NUTM2G: variants seen among roughly 807,000 people sequenced by gnomAD.
The protein encoded by NUTM2G is family with sequence similarity 22, member G.
NUTM2G carries 29 observed loss-of-function variants against 44.3 expected under a neutral mutation model. That is an observed-to-expected ratio of 0.66 (90% CI 0.49 to 0.89). The LOEUF (loss-of-function observed/expected upper bound fraction) is 0.89. NUTM2G is among the 40% of genes least tolerant of loss of function. NUTM2G has a pLI of 0.00. For missense variants in NUTM2G, 502 were observed against 946.5 expected (o/e 0.53, Z 6.16); for synonymous variants, 205 against 395.9 (o/e 0.52, Z 5.72).
At chr9:96,932,921 T>C (rs1248056811) in intron 2 of NUTM2G, among the ~76,000 whole-genome samples, 1 of 151,772 alleles carries the variant, frequency 6.6e-6, no homozygotes, top group African/African-American at 2.4e-5. Context: ...AGTGCTGAGA[T>C]TACAGGCATG....
chr9:96,931,728 C>T lies in NUTM2G; in HGVS notation c.23C>T (p.Pro8Leu), dbSNP rs1415145081. 6.2e-7 allele frequency: 1 copy of T among 1,611,550 alleles called. No individual in the cohort carries two copies. Among genetic ancestry groups the T allele is most frequent in the South Asian group, 1.1e-5 (1 of 90,956 alleles). MASNGAYPVLGPGVTVNP... is the reference protein window; with the variant it reads MASNGAYLVLGPGVTVNP... ...CTTTCCTTTGTCTCCACAGCATACC[C>T]AGTGCTGGGACCCGGCGTGACCGTG... The change falls in exon 2 of 7, where the codon CCA becomes CTA. Residue 8 changes from proline to leucine, a missense_variant. By Grantham distance (98) the Pro-to-Leu change is moderately conservative. Transcript: ENST00000372322.
chr9:96,937,211 C>G lies in NUTM2G; in HGVS notation c.1130C>G (p.Pro377Arg). The G allele has an allele frequency of 6.2e-7, 1 of 1,613,052 alleles. No individual in the cohort carries two copies. Among genetic ancestry groups the G allele is most frequent in the Non-Finnish European group, 8.5e-7 (1 of 1,179,880 alleles). ...ACCAAGGTCCCTGAGGAGATCCCCC[C>G]TGAAGTGGTGCAGGAGTATGTGGAC... is the stretch of plus-strand genomic sequence containing the variant. The part of the protein sequence containing the change: ...AETKVPEEIP[P>R]EVVQEYVDIM... The change falls in exon 5 of 7, where the codon CCT becomes CGT. Residue 377 changes from proline (P) to arginine (R), a missense_variant. Physicochemically the swap from Pro to Arg is moderately radical, Grantham distance 103. Coordinates refer to ENST00000372322, the MANE Select transcript of NUTM2G (RefSeq NM_001170741.3).
At chr9:96,934,179 A>G (rs1826357552) in intron 2 of NUTM2G, among the ~76,000 whole-genome samples, 1 of 152,150 alleles carries the variant, frequency 6.6e-6, no homozygotes, top group South Asian at 2.1e-4. Context: ...GTGAGGCAGC[A>G]ACATCAGCAT....
intron 4 of NUTM2G, among the ~76,000 whole-genome samples, 178 bp from the exon 5 acceptor site, chr9:96,936,886 C>T (rs1431886856): frequency 6.6e-6 from 1 of 152,166 alleles, no homozygotes; most frequent in Non-Finnish European, 1.5e-5. Context: ...AAACTTCCTC[C>T]CAAGCGATGC....
intron 5 of NUTM2G, 28 bp downstream of exon 5, chr9:96,937,432 G>A: frequency 1.2e-6 from 2 of 1,602,824 alleles, no homozygotes; most frequent in Non-Finnish European, 8.5e-7. Context: ...GCTGTGGTCT[G>A]TAGGATTCCA....
intron 1 of NUTM2G, among the ~76,000 whole-genome samples, chr9:96,930,553 T>A (rs1302103505): frequency 1.4e-5 from 2 of 142,974 alleles, no homozygotes; most frequent in Non-Finnish European, 3.0e-5. Flanking sequence ...AAAAAGAAAA[T>A]CCCTAGACAC....
chr9:96,931,768 C>G lies in NUTM2G; in HGVS notation c.63C>G (p.Ser21=). The G allele has an allele frequency of 6.2e-7, 1 of 1,611,680 alleles. No individual in the cohort carries two copies. Among genetic ancestry groups the G allele is most frequent in the Non-Finnish European group, 8.5e-7 (1 of 1,179,866 alleles). ...GPGVTVNPGT[S]LSVFTALPFA... is the part of the protein sequence containing the mutation. ...GCGTGACCGTGAACCCTGGCACCTC[C>G]CTGTCTGTGTTCACGGCTCTGCCCT... The change falls in exon 2 of 7, where the codon TCC becomes TCG. Residue 21 remains serine (S), a synonymous_variant. Coordinates refer to ENST00000372322, the MANE Select transcript of NUTM2G (RefSeq NM_001170741.3).
Position 96,937,287 on chromosome 9 carries a change from G to A in NUTM2G, c.1206G>A (p.Glu402=), listed in dbSNP as rs1826466317. ...ACCCTGGGGACACAGGGGAGCCTGA[G>A]GGACAACGGGAAAAGGGCAAAGTGG... is the stretch of plus-strand genomic sequence containing the variant. ...GSHPGDTGEP[E]GQREKGKVEQ... Residue 402 remains glutamate, a synonymous_variant, in exon 5 of 7, where the codon GAG becomes GAA. Coordinates refer to ENST00000372322, the MANE Select transcript of NUTM2G (RefSeq NM_001170741.3). 6.2e-7 allele frequency: 1 copy of A among 1,613,730 alleles called. No homozygotes were observed. Among genetic ancestry groups the A allele is most frequent in the Non-Finnish European group, 8.5e-7 (1 of 1,179,864 alleles).
chr9:96,934,300 C>T (rs1353022370), intron 2 of NUTM2G, among the ~76,000 whole-genome samples: 4 of 152,234 alleles, frequency 2.6e-5, no homozygotes, highest in Non-Finnish European at 5.9e-5. Context: ...GCATATCCAC[C>T]GTGCAACACA....
intron 4 of NUTM2G, among the ~76,000 whole-genome samples, 178 bp downstream of exon 4, chr9:96,936,742 G>A (rs1473203863): frequency 6.6e-6 from 1 of 152,194 alleles, no homozygotes; most frequent in Admixed American, 6.5e-5. Flanking sequence ...TGGGTGGCCC[G>A]TGATCACGAA....
chr9:96,936,920 G>C, intron 4 of NUTM2G, 144 bp from the exon 5 acceptor site: 4 of 1,348,100 alleles, frequency 3.0e-6, no homozygotes, highest in Non-Finnish European at 4.0e-6. Context: ...CCCCTCCTGC[G>C]GCGTCTCCTC....
rs1826388381 is a variant in NUTM2G at position 96,935,237 on chromosome 9, T to C, written c.714-91T>C. ...GGACAGGGACAGATGGCAGGACAGGTGTGGGGAGGACAGGAGCCAGGTGTT... is the reference window on the plus strand; with the variant it reads ...GGACAGGGACAGATGGCAGGACAGGCGTGGGGAGGACAGGAGCCAGGTGTT... On this transcript the variant is annotated intron_variant, in intron 2 of 6. Coordinates refer to ENST00000372322, the MANE Select transcript of NUTM2G (RefSeq NM_001170741.3). 6 of 1,561,018 alleles carry C rather than the reference T, an allele frequency of 3.8e-6. No homozygotes were observed. The Admixed American group carries it at 9.1e-5, about 24-fold the overall frequency.
In NUTM2G at chr9:96,937,418, G is replaced by T. The variant is rs868423824; in HGVS notation, c.1323+14G>T. On this transcript the variant is annotated intron_variant, in intron 5 of 6. Transcript: ENST00000372322. ...TTTGTCACCAAGGTGGGCTTGCCTG[G>T]AGTGCTGTGGTCTGTAGGATTCCAG... 3.1e-6 allele frequency: 5 copies of T among 1,610,224 alleles called. No individual in the cohort carries two copies. In the Middle Eastern group the frequency reaches 9.6e-4, roughly 308 times the overall value.
At position 96,936,533 on chromosome 9, in the gene NUTM2G, A is replaced by G; in HGVS notation, c.951A>G (p.Gly317=). The change falls in exon 4 of 7, where the codon GGA becomes GGG. Residue 317 remains glycine (G), a synonymous_variant. Transcript: ENST00000372322. ...PPAPPRLEPR[G]PPAPEVVKQP... ...CCCCGCCGAGGCTTGAACCTCGAGG[A>G]CCCCCTGCCCCTGAGGTGGTCAAGC... 1 of 1,553,796 alleles carries G rather than the reference A, an allele frequency of 6.4e-7. No individual in the cohort carries two copies. The highest frequency in any genetic ancestry group is 8.6e-7 in the Non-Finnish European group (1 of 1,157,628).
rs1469269104 is a variant in NUTM2G, at chr9:96,937,450, G to A, written c.1323+46G>A. 4 of 1,558,190 alleles carry A rather than the reference G, an allele frequency of 2.6e-6. No homozygotes were observed. The South Asian group carries it at 4.6e-5, about 18-fold the overall frequency. On this transcript the variant is annotated intron_variant, in intron 5 of 6. Transcript: ENST00000372322. The stretch of plus-strand genomic sequence containing the variant: ...GTGGTCTGTAGGATTCCAGGGGGTG[G>A]CACTTCCAGGTCCTTGGAATTAAGC...
At chr9:96,930,973 C>A (rs1826226577) in intron 1 of NUTM2G, among the ~76,000 whole-genome samples, 1 of 142,770 alleles carries the variant, frequency 7.0e-6, no homozygotes, top group Middle Eastern at 4.0e-3. Context: ...CGGCTCACTG[C>A]AGCCTCTGCC....
chr9:96,929,532 G>C (rs939510942), intron 1 of NUTM2G, among the ~76,000 whole-genome samples: 2 of 151,568 alleles, frequency 1.3e-5, no homozygotes, highest in African/African-American at 4.8e-5. Context: ...GGCTGTGACA[G>C]AGCATGTAGT....
intron 2 of NUTM2G, among the ~76,000 whole-genome samples, chr9:96,935,077 A>G (rs1286384049): frequency 8.5e-5 from 13 of 152,252 alleles, no homozygotes; most frequent in Non-Finnish European, 1.6e-4. Flanking sequence ...TTCCACCCAT[A>G]GCACTGAGTT....
chr9:96,935,089 A>G (rs2262201), intron 2 of NUTM2G, among the ~76,000 whole-genome samples: 9 of 152,240 alleles, frequency 5.9e-5, no homozygotes, highest in South Asian at 2.1e-4. Context: ...CACTGAGTTC[A>G]CTTGTCAACA....
Sources: gnomAD v4.1 joint callset for allele counts (sites outside exome capture counted in the v4.1 genomes callset) on GRCh38, gnomAD v4.1.1 for gene constraint, MANE v1.5 for transcripts, NCBI Gene and HGNC (gene_info 2026-07-23, HGNC 2026-07-21) for gene names.